The following FAM171A1 variants were observed in gnomAD, a reference collection of about 807,000 sequenced individuals.
The protein encoded by FAM171A1 is family with sequence similarity 171 member A1.
Under a neutral mutation model 74.9 loss-of-function variants are expected in FAM171A1, and 23 were observed. That is an observed-to-expected ratio of 0.31 (90% CI 0.22 to 0.44). FAM171A1 has a LOEUF of 0.44. FAM171A1 is among the 20% of genes least tolerant of loss of function. The pLI is 1.00. For synonymous variants in FAM171A1, 527 were observed against 505.7 expected (o/e 1.04, Z -0.57); for missense variants, 1,162 against 1,159.2 (o/e 1.00, Z -0.03).
At chr10:15,302,517 A>C (rs1254855769) in intron 1 of FAM171A1, among the ~76,000 whole-genome samples, 3 of 151,974 alleles carry the variant, frequency 2.0e-5, no homozygotes, top group Non-Finnish European at 4.4e-5. Context: ...AAAAAAAAAA[A>C]AAAAAACCAA....
chr10:15,330,176 T>C (rs2131857646), intron 1 of FAM171A1, among the ~76,000 whole-genome samples: 1 of 152,188 alleles, frequency 6.6e-6, no homozygotes, highest in African/African-American at 2.4e-5. Flanking sequence ...ACTCCATCTC[T>C]ACTAAAAATA....
chr10:15,316,261 C>T (rs1217907545), intron 1 of FAM171A1, among the ~76,000 whole-genome samples: 1 of 152,186 alleles, frequency 6.6e-6, no homozygotes, highest in Non-Finnish European at 1.5e-5. Flanking sequence ...GTTTGCTGAG[C>T]AGCTGTATTT....
intron 1 of FAM171A1, among the ~76,000 whole-genome samples, chr10:15,351,567 C>CGATGGATGGATGGATGGATGGATG (rs757265914): frequency 0.029 from 4,243 of 146,408 alleles, 161 homozygotes; most frequent in African/African-American, 0.085. Flanking sequence ...AAAGTAGGGA[C>CGATGGATGGATGGATGGATGGATG]GATGGATGGA....
At chr10:15,257,206 G>GA (rs1834591573) in intron 3 of FAM171A1, among the ~76,000 whole-genome samples, 1 of 152,172 alleles carries the variant, frequency 6.6e-6, no homozygotes, top group African/African-American at 2.4e-5. Context: ...TCCCAGAGCA[G>GA]GGAAGGAAAA....
intron 3 of FAM171A1, among the ~76,000 whole-genome samples, chr10:15,266,149 T>C (rs1204824387): frequency 6.6e-6 from 1 of 152,182 alleles, no homozygotes; most frequent in Non-Finnish European, 1.5e-5. Context: ...TCTGTTCTTC[T>C]ACCTGGCTCA....
intron 1 of FAM171A1, among the ~76,000 whole-genome samples, chr10:15,357,007 A>G (rs1835940478): frequency 6.7e-6 from 1 of 149,854 alleles, no homozygotes; most frequent in African/African-American, 2.5e-5. Context: ...GGCCGGGCAC[A>G]GTGGCTCATG....
In FAM171A1 at chr10:15,337,671, T is replaced by G. The variant is rs10906889; in HGVS notation, c.97+33285A>C. Among the ~76,000 whole-genome samples, 61 of 151,200 alleles carry G rather than the reference T, an allele frequency of 4.0e-4. 1 individual carries two copies. The highest frequency in any genetic ancestry group is 9.7e-4 in the East Asian group (5 of 5,132). On this transcript the variant is annotated intron_variant, in intron 1 of 7. Transcript: ENST00000378116. ...CAGCGCTTTAATAAGCAGTAGGGGT[T>G]GGCGCGGTGGCTTACGCCTGCAATC...
Position 15,213,729 on chromosome 10 carries a change from T to C in FAM171A1, c.1859A>G (p.Asn620Ser), listed in dbSNP as rs751838649. ...GTGTGGGAAGATCCCGGCATGGGGATTGGACAGCTCAGCCTGTAGTCTTTC... is the reference window on the plus strand; with the variant it reads ...GTGTGGGAAGATCCCGGCATGGGGACTGGACAGCTCAGCCTGTAGTCTTTC... Reference protein sequence around the residue: ...EIERLQAELSNPHAGIFPHPS... With the variant: ...EIERLQAELSSPHAGIFPHPS... Residue 620 changes from asparagine to serine, a missense_variant, in exon 8 of 8, where the codon AAT becomes AGT. Asn to Ser is a conservative substitution (Grantham distance 46, BLOSUM62 1). Transcript: ENST00000378116. The surrounding 1 kb of genome is among the most constrained non-coding windows in gnomAD (Gnocchi z 6.8). The C allele has an allele frequency of 1.2e-5, 20 of 1,613,258 alleles. No homozygotes were observed. The highest frequency in any genetic ancestry group is 3.3e-5 in the South Asian group (3 of 91,024).
rs565863378 is a variant in FAM171A1, at chr10:15,342,547, G to A, written c.97+28409C>T. 1.8e-4 allele frequency among the ~76,000 whole-genome samples: 27 copies of A among 152,230 alleles called. No individual in the cohort carries two copies. In the East Asian group the frequency reaches 5.0e-3, roughly 28 times the overall value. Reference sequence around the variant, plus strand: ...TGCACCACTGCACTCCAGCCTGGGCGACAGAGCGAGCCTCTGTCTCAAACA... The same window carrying A: ...TGCACCACTGCACTCCAGCCTGGGCAACAGAGCGAGCCTCTGTCTCAAACA... On this transcript the variant is annotated intron_variant, in intron 1 of 7. Transcript: ENST00000378116.
Position 15,240,403 on chromosome 10 carries a change from G to A in FAM171A1, c.754+8236C>T, listed in dbSNP as rs184205058. Among the ~76,000 whole-genome samples the A allele has an allele frequency of 1.7e-4, 26 of 152,128 alleles. 1 individual carries two copies. Among genetic ancestry groups the A allele is most frequent in the African/African-American group, 5.5e-4 (23 of 41,508 alleles). ...ATTATTTTTATTGAGGGTCCATATA[G>A]CAATTAGCCAACTCATGCTGTTGTA... On this transcript the variant is annotated intron_variant, in intron 5 of 7. Transcript: ENST00000378116.
At chr10:15,352,537 C>T (rs1045313445) in intron 1 of FAM171A1, among the ~76,000 whole-genome samples, 5 of 152,140 alleles carry the variant, frequency 3.3e-5, no homozygotes, top group African/African-American at 7.2e-5. Context: ...ATATTTAATG[C>T]GGCATCTAAC....
Position 15,331,848 on chromosome 10 carries a change from T to TACAC in FAM171A1, c.97+39107_97+39108insGTGT, listed in dbSNP as rs1372362633. Among the ~76,000 whole-genome samples the TACAC allele has an allele frequency of 2.4e-5, 2 of 82,642 alleles. 1 individual carries two copies. The highest frequency in any genetic ancestry group is 4.4e-5 in the Non-Finnish European group (2 of 45,276). 54.2% of individuals were successfully genotyped at this position (82,642 alleles called of 152,430 possible). A position where few individuals can be genotyped will look rare whatever the true frequency, so the allele number is the denominator to read the frequency against. ...ATATGTGTGTATATATATGTGTGTA[T>TACAC]ATATATGTGTGTATATATATGTGTG... On this transcript the variant is annotated intron_variant, in intron 1 of 7. Coordinates refer to ENST00000378116, the MANE Select transcript of FAM171A1 (RefSeq NM_001010924.2).
At chr10:15,334,711 G>A (rs1301833809) in intron 1 of FAM171A1, among the ~76,000 whole-genome samples, 2 of 152,138 alleles carry the variant, frequency 1.3e-5, no homozygotes, top group African/African-American at 4.8e-5. Context: ...ACACCGATGG[G>A]AACTGTGAAA....
chr10:15,345,955 G>A (rs1835813294), intron 1 of FAM171A1, among the ~76,000 whole-genome samples: 2 of 152,190 alleles, frequency 1.3e-5, no homozygotes, highest in African/African-American at 4.8e-5. Flanking sequence ...TTACTGTGAT[G>A]TGATAGGGAA....
At chr10:15,241,537 T>G (rs1834364488) in intron 5 of FAM171A1, 1 of 152,204 alleles carries the variant, frequency 6.6e-6, no homozygotes, top group Non-Finnish European at 1.5e-5. Flanking sequence ...TATTTAGGGA[T>G]GCTTACGTAT....
chr10:15,227,254 G>A (rs1834120916), intron 5 of FAM171A1, among the ~76,000 whole-genome samples: 1 of 152,162 alleles, frequency 6.6e-6, no homozygotes, highest in African/African-American at 2.4e-5. Context: ...ATCCCCCTTG[G>A]CCTCCCAAAG....
chr10:15,361,655 C>T (rs541245140), intron 1 of FAM171A1, among the ~76,000 whole-genome samples: 1 of 152,190 alleles, frequency 6.6e-6, no homozygotes, highest in East Asian at 1.9e-4. Flanking sequence ...GGCACTCCAG[C>T]CTGGGTGACA....
In FAM171A1 at chr10:15,243,135, G is replaced by T. The variant is rs150513162; in HGVS notation, c.754+5504C>A. On this transcript the variant is annotated intron_variant, in intron 5 of 7. Coordinates refer to ENST00000378116, the MANE Select transcript of FAM171A1 (RefSeq NM_001010924.2). ...CAGAAGGGAGAATCCCTTGCTTGCT[G>T]ATTTTGGCTTCCAGTGGGTGCCTGT... is the stretch of plus-strand genomic sequence containing the variant. Among the ~76,000 whole-genome samples, 808 of 152,168 alleles carry T rather than the reference G, an allele frequency of 5.3e-3. 11 individuals carry two copies. Among genetic ancestry groups the T allele is most frequent in the African/African-American group, 0.018 (748 of 41,518 alleles).
intron 3 of FAM171A1, among the ~76,000 whole-genome samples, chr10:15,274,108 G>C (rs1834862884): frequency 6.6e-6 from 1 of 152,210 alleles, no homozygotes; most frequent in Non-Finnish European, 1.5e-5. Flanking sequence ...CCTGTTTGCA[G>C]ATGACATGAT....
Sources: allele counts gnomAD v4.1 joint callset (sites outside exome capture counted in the v4.1 genomes callset), GRCh38; gene constraint gnomAD v4.1.1; non-coding constraint Gnocchi (gnomAD v3.1); transcripts MANE v1.5; gene names NCBI Gene and HGNC (gene_info 2026-07-23, HGNC 2026-07-21).